The following DNAAF5 variants were observed in gnomAD, a reference collection of about 807,000 sequenced individuals.
DNAAF5 encodes the protein HEAT repeat containing 2.
In DNAAF5, 64 loss-of-function variants were observed where a neutral mutation model predicts 75.8. The ratio of observed to expected loss-of-function variants is 0.84; its 90% CI spans 0.69 to 1.04. The LOEUF (loss-of-function observed/expected upper bound fraction) is 1.04. Ranked by LOEUF, DNAAF5 falls within the 50% of genes least tolerant of loss-of-function variation. The probability of loss-of-function intolerance (pLI) is 0.00; values close to 1 mark genes in which losing one functional copy is unlikely to be tolerated. For synonymous variants in DNAAF5, 657 were observed against 557.2 expected, an observed-to-expected ratio of 1.18 and a Z score of -2.52; for missense variants, 1,269 against 1,178.5, an observed-to-expected ratio of 1.08 and a Z score of -1.12.
At position 755,586 on chromosome 7, in the gene DNAAF5, G is replaced by C. The variant is rs374076502; in HGVS notation, c.1257+765G>C. 3.5e-4 allele frequency among the ~76,000 whole-genome samples: 54 copies of C among 152,286 alleles called. 1 individual carries two copies. The East Asian group carries it at 9.1e-3, about 26-fold the overall frequency. ...CTAGTGGTCCAGGTCACTGTTACTA[G>C]CCCAGCGTAGTGGCGTGCACCTGTG... On this transcript the variant is annotated intron_variant, in intron 5 of 12. Coordinates refer to ENST00000297440, the MANE Select transcript of DNAAF5 (RefSeq NM_017802.4).
chr7:736,661 C>T (rs375282384), intron 2 of DNAAF5, among the ~76,000 whole-genome samples: 120 of 152,288 alleles, frequency 7.9e-4, no homozygotes, highest in African/African-American at 2.7e-3. Flanking sequence ...CCCATTCAGC[C>T]GCTCTGTCTT....
chr7:741,596 C>T, intron 4 of DNAAF5, 131 bp downstream of exon 4: 9 of 620,844 alleles, frequency 1.4e-5, no homozygotes, highest in Non-Finnish European at 2.6e-5. Context: ...AAGGTGCAGG[C>T]GTCTCCCCAC....
chr7:767,353 G>T lies in DNAAF5; in HGVS notation c.1784-3118G>T, dbSNP rs984353889. 5.3e-5 allele frequency among the ~76,000 whole-genome samples: 8 copies of T among 151,950 alleles called. No individual in the cohort carries two copies. In the South Asian group the frequency reaches 1.7e-3, roughly 32 times the overall value. ...AGTGCCAAGGTGCTTTTGGAAAGCCGTGGGACGCTGCGCATCTGGAATTGC... is the reference window on the plus strand; with the variant it reads ...AGTGCCAAGGTGCTTTTGGAAAGCCTTGGGACGCTGCGCATCTGGAATTGC... On this transcript the variant is annotated intron_variant, in intron 8 of 12. Coordinates refer to ENST00000297440, the MANE Select transcript of DNAAF5 (RefSeq NM_017802.4).
chr7:736,021 G>A (rs1781731535), intron 2 of DNAAF5, among the ~76,000 whole-genome samples: 2 of 152,080 alleles, frequency 1.3e-5, no homozygotes, highest in Admixed American at 1.3e-4. Flanking sequence ...TGACCCACCG[G>A]TCATTCAGGA....
At chr7:740,984 G>T in intron 3 of DNAAF5, 41 bp downstream of exon 3, 1 of 1,603,792 alleles carries the variant, frequency 6.2e-7, no homozygotes. Context: ...TTCCTAAACG[G>T]TCATGTGTAG....
chr7:761,527 G>T (rs1241443396), intron 6 of DNAAF5, among the ~76,000 whole-genome samples: 2 of 152,386 alleles, frequency 1.3e-5, no homozygotes, highest in East Asian at 3.8e-4. Context: ...GTGGCGGCAG[G>T]CGAGAGAGTG....
chr7:758,270 A>C (rs1030540699), intron 6 of DNAAF5, among the ~76,000 whole-genome samples: 2 of 152,260 alleles, frequency 1.3e-5, no homozygotes, highest in Admixed American at 1.3e-4. Context: ...GAAAATGTGC[A>C]CAGGTGCCTA....
At chr7:750,185 T>A (rs1782247496) in intron 4 of DNAAF5, among the ~76,000 whole-genome samples, 1 of 152,244 alleles carries the variant, frequency 6.6e-6, no homozygotes, top group Non-Finnish European at 1.5e-5. Context: ...CTACAGTTTC[T>A]GCGTGTTGAG....
chr7:765,841 T>TA (rs1436609801), intron 8 of DNAAF5, among the ~76,000 whole-genome samples: 2 of 152,110 alleles, frequency 1.3e-5, no homozygotes, highest in Admixed American at 1.3e-4. Flanking sequence ...GATGGGATTG[T>TA]AGGCATACGC....
intron 8 of DNAAF5, among the ~76,000 whole-genome samples, chr7:768,054 G>A (rs745482134): frequency 2.6e-5 from 4 of 151,660 alleles, no homozygotes; most frequent in South Asian, 2.1e-4. Flanking sequence ...GGGCAGACAC[G>A]TGGTCCGGGC....
At chr7:731,611 C>A (rs1018320554) in intron 2 of DNAAF5, among the ~76,000 whole-genome samples, 1 of 152,172 alleles carries the variant, frequency 6.6e-6, no homozygotes, top group Admixed American at 6.5e-5. Flanking sequence ...ACATGCAGCC[C>A]GGGACGGCTT....
intron 12 of DNAAF5, among the ~76,000 whole-genome samples, chr7:784,355 C>G (rs1350586887): frequency 6.6e-6 from 1 of 152,202 alleles, no homozygotes; most frequent in African/African-American, 2.4e-5. Context: ...CCGCTACCCC[C>G]CTCCCTGACT....
In DNAAF5 at chr7:769,257, C is replaced by T. The variant is rs184272584; in HGVS notation, c.1784-1214C>T. ...AGTGGACGCTCCCTCTACACTGGCCCGGGGCCAGAGCGCCTCCTTCTGCGG... is the reference window on the plus strand; with the variant it reads ...AGTGGACGCTCCCTCTACACTGGCCTGGGGCCAGAGCGCCTCCTTCTGCGG... On this transcript the variant is annotated intron_variant, in intron 8 of 12. Coordinates refer to ENST00000297440, the MANE Select transcript of DNAAF5 (RefSeq NM_017802.4). 2.8e-3 allele frequency: 2,050 copies of T among 730,316 alleles called. 15 individuals are homozygous for T. The highest frequency in any genetic ancestry group is 0.012 in the Middle Eastern group (53 of 4,380). 45.2% of individuals were successfully genotyped at this position (730,316 alleles called of 1,614,324 possible). A position where few individuals can be genotyped will look rare whatever the true frequency, so the allele number is the denominator to read the frequency against.
At chr7:746,213 C>T (rs981302334) in intron 4 of DNAAF5, among the ~76,000 whole-genome samples, 8 of 152,078 alleles carry the variant, frequency 5.3e-5, no homozygotes, top group Admixed American at 1.3e-4. Context: ...CCCTCCCTGC[C>T]GTCCTGCCAC....
At chr7:781,449 C>T (rs1270347043) in intron 12 of DNAAF5, among the ~76,000 whole-genome samples, 4 of 152,038 alleles carry the variant, frequency 2.6e-5, no homozygotes, top group African/African-American at 9.7e-5. Context: ...TGCTTCCACA[C>T]CTTGGCTGTC....
At chr7:740,546 T>C (rs1291064333) in intron 2 of DNAAF5, among the ~76,000 whole-genome samples, 1 of 152,074 alleles carries the variant, frequency 6.6e-6, no homozygotes, top group African/African-American at 2.4e-5. Flanking sequence ...ACGGGGTATG[T>C]GTGTGTGAGC....
chr7:758,446 T>C (rs1401612492), intron 6 of DNAAF5, among the ~76,000 whole-genome samples: 1 of 152,230 alleles, frequency 6.6e-6, no homozygotes, highest in Non-Finnish European at 1.5e-5. Flanking sequence ...AGAGACGTCT[T>C]TCTGACAAAG....
intron 3 of DNAAF5, 98 bp from the exon 4 acceptor site, chr7:741,249 G>T (rs1291393329): frequency 6.7e-6 from 6 of 889,534 alleles, no homozygotes; most frequent in South Asian, 6.5e-5. Context: ...CCGCTCTCAC[G>T]CAATGGGGTC....
intron 4 of DNAAF5, among the ~76,000 whole-genome samples, chr7:747,549 GT>G (rs1359427619): frequency 1.3e-5 from 2 of 151,576 alleles, no homozygotes; most frequent in Non-Finnish European, 2.9e-5. Flanking sequence ...GGGGTTTGCT[GT>G]TTTTAGTGTA....
Sources: gnomAD v4.1 joint callset for allele counts (sites outside exome capture counted in the v4.1 genomes callset) on GRCh38, gnomAD v4.1.1 for gene constraint, MANE v1.5 for transcripts, NCBI Gene and HGNC (gene_info 2026-07-23, HGNC 2026-07-21) for gene names.